Variants in DCST1 observed in about 807,000 individuals in gnomAD.
DCST1 encodes the protein E3 ubiquitin-protein ligase DCST1.
A neutral mutation model predicts 89.1 loss-of-function variants in DCST1; 78 were observed. The ratio of observed to expected loss-of-function variants is 0.88; its 90% CI spans 0.73 to 1.06. The LOEUF (loss-of-function observed/expected upper bound fraction) is 1.06, where lower values mean the gene tolerates loss of function less well. DCST1 is among the 50% of genes least tolerant of loss of function. The pLI is 0.00. For synonymous variants in DCST1, 364 were observed against 371.9 expected (o/e 0.98, Z 0.24); for missense variants, 900 against 928.6 (o/e 0.97, Z 0.40).
At chr1:155,043,594 T>C (rs1660507697) in intron 10 of DCST1, 85 bp downstream of exon 10, 4 of 1,423,994 alleles carry the variant, frequency 2.8e-6, no homozygotes, top group Non-Finnish European at 3.7e-6. Context: ...GATGGAACCC[T>C]AGCACCTATC....
chr1:155,034,694 G>A lies in DCST1; in HGVS notation c.229G>A (p.Glu77Lys). ...GGTGAACCCCATGAACATCTACGAA[G>A]AACAGAAGATTATGTTCTTGTACAG... ...LLVNPMNIYE[E>K]QKIMFLYSLV... is the part of the protein sequence containing the mutation. Residue 77 changes from glutamate to lysine, a missense_variant, in exon 4 of 17, where the codon GAA becomes AAA. Glu to Lys is a moderately conservative substitution (Grantham distance 56). Coordinates refer to ENST00000295542, the MANE Select transcript of DCST1 (RefSeq NM_152494.4). 7 of 1,614,196 alleles carry A rather than the reference G, an allele frequency of 4.3e-6. No individual in the cohort carries two copies. In the South Asian group the frequency reaches 6.6e-5, roughly 15 times the overall value.
chr1:155,033,857 A>G lies in DCST1; in HGVS notation c.-66+3A>G. On this transcript the variant is annotated splice_donor_region_variant and intron_variant, in intron 1 of 16. Transcript: ENST00000295542. ...TCCGAGGACTGGAGAGGGGATAGGT[A>G]GGTCTCTAATCTCCTTCCCCACTTC... The G allele has an allele frequency of 7.7e-7, 1 of 1,297,718 alleles. No individual in the cohort carries two copies. The highest frequency in any genetic ancestry group is 2.4e-5 in the Admixed American group (1 of 42,274). The allele number at this position is 1,297,718 out of a possible 1,614,324, so 80.4% of individuals were successfully genotyped here.
At position 155,043,410 on chromosome 1, in the gene DCST1, A is replaced by C; in HGVS notation, c.1073A>C (p.Glu358Ala). Residue 358 changes from glutamate (E) to alanine (A), a missense_variant, in exon 10 of 17, where the codon GAG becomes GCG. Physicochemically the swap from Glu to Ala is moderately radical, Grantham distance 107. Coordinates refer to ENST00000295542, the MANE Select transcript of DCST1 (RefSeq NM_152494.4). The stretch of plus-strand genomic sequence containing the variant: ...ACAAGCTGGGAGCGCGTGAGCACCG[A>C]GGTGCGGGACTACGTGTACCGCCAG... Reference protein sequence around the residue: ...LNTSWERVSTEVRDYVYRQEA... With the variant: ...LNTSWERVSTAVRDYVYRQEA... The C allele has an allele frequency of 6.2e-7, 1 of 1,613,944 alleles. No homozygotes were observed. Among genetic ancestry groups the C allele is most frequent in the Non-Finnish European group, 8.5e-7 (1 of 1,179,938 alleles).
At chr1:155,045,845 G>A (rs1425434606) in intron 10 of DCST1, 48 bp from the exon 11 acceptor site, 3 of 1,530,478 alleles carry the variant, frequency 2.0e-6, no homozygotes, top group Admixed American at 3.3e-5. Context: ...GGGGATAGAT[G>A]AGGAGAACCT....
At chr1:155,035,225 C>T in intron 4 of DCST1, 1 of 166,126 alleles carries the variant, frequency 6.0e-6, no homozygotes, top group Non-Finnish European at 1.3e-5. Context: ...TGCAGTGGCT[C>T]AATCTCAGCT....
Position 155,041,686 on chromosome 1 carries a change from C to T in DCST1, c.749-28C>T, listed in dbSNP as rs769775066. 2.5e-5 allele frequency: 40 copies of T among 1,614,016 alleles called. 1 individual carries two copies. In the South Asian group the frequency reaches 4.4e-4, roughly 18 times the overall value. On this transcript the variant is annotated intron_variant, in intron 7 of 16. Transcript: ENST00000295542. Reference sequence around the variant, plus strand: ...AGCATTGTGGATCAAGATGTGGGAACCTCAGACACCCTTGCTCCTTCCTAC... The same window carrying T: ...AGCATTGTGGATCAAGATGTGGGAATCTCAGACACCCTTGCTCCTTCCTAC...
At chr1:155,043,145 A>AT (rs1380423337) in intron 9 of DCST1, among the ~76,000 whole-genome samples, 1 of 152,106 alleles carries the variant, frequency 6.6e-6, no homozygotes, top group African/African-American at 2.4e-5. Flanking sequence ...TATCAGCCAG[A>AT]TATGAGATGA....
At position 155,046,202 on chromosome 1, in the gene DCST1, C is replaced by T; in HGVS notation, c.1350C>T (p.Ala450=). 6.2e-7 allele frequency: 1 copy of T among 1,614,226 alleles called. No homozygotes were observed. Among genetic ancestry groups the T allele is most frequent in the Non-Finnish European group, 8.5e-7 (1 of 1,180,042 alleles). Residue 450 remains alanine (A), a synonymous_variant, in exon 12 of 17, where the codon GCC becomes GCT. Coordinates refer to ENST00000295542, the MANE Select transcript of DCST1 (RefSeq NM_152494.4). ...TCCCTTGCAAGCCCACCATCCAGGC[C>T]TCAGAAATGAGCAATGTGGTGAGGA... ...VIFPCKPTIQ[A]SEMSNVVREL...
intron 8 of DCST1, among the ~76,000 whole-genome samples, chr1:155,042,510 A>T (rs1660466691): frequency 6.6e-6 from 1 of 152,168 alleles, no homozygotes; most frequent in African/African-American, 2.4e-5. Flanking sequence ...GATGTTTGTT[A>T]TGGTTGAGGA....
intron 10 of DCST1, chr1:155,045,481 G>A: frequency 4.6e-6 from 1 of 215,762 alleles, no homozygotes; most frequent in East Asian, 1.3e-4. Context: ...AGGAATTTGT[G>A]AGTCACAGTG....
chr1:155,036,047 C>CAAAAAA (rs11445380), intron 4 of DCST1, among the ~76,000 whole-genome samples: 1 of 71,236 alleles, frequency 1.4e-5, no homozygotes, highest in African/African-American at 5.3e-5. Context: ...AACTCTGTCT[C>CAAAAAA]AAAAAAAAAA....
chr1:155,043,812 C>T (rs1402903701), intron 10 of DCST1, among the ~76,000 whole-genome samples: 1 of 151,756 alleles, frequency 6.6e-6, no homozygotes, highest in Non-Finnish European at 1.5e-5. Context: ...TTTTCTTGCC[C>T]TTCATATTCC....
chr1:155,042,704 G>A (rs768956415), intron 8 of DCST1, 31 bp from the exon 9 acceptor site: 1 of 1,613,646 alleles, frequency 6.2e-7, no homozygotes, highest in Non-Finnish European at 8.5e-7. Context: ...CAGGCCCGGG[G>A]AGGCCCCTGA....
At position 155,039,268 on chromosome 1, in the gene DCST1, G is replaced by A. The variant is rs1017617570; in HGVS notation, c.263-135G>A. 4 of 1,077,200 alleles carry A rather than the reference G, an allele frequency of 3.7e-6. No individual in the cohort carries two copies. In the Admixed American group the frequency reaches 8.5e-5, roughly 23 times the overall value. 66.7% of individuals were successfully genotyped at this position (1,077,200 alleles called of 1,614,324 possible). On this transcript the variant is annotated intron_variant, in intron 4 of 16. Coordinates refer to ENST00000295542, the MANE Select transcript of DCST1 (RefSeq NM_152494.4). The stretch of plus-strand genomic sequence containing the variant: ...TGAGTGGCCCAGCAGGTCTATCAGA[G>A]TCAGTGTAAATGGGGATAAGGGCAG...
At chr1:155,038,344 A>T (rs1660335144) in intron 4 of DCST1, among the ~76,000 whole-genome samples, 1 of 152,264 alleles carries the variant, frequency 6.6e-6, no homozygotes, top group African/African-American at 2.4e-5. Context: ...AATGTGGTAG[A>T]AAGCCACCGA....
intron 3 of DCST1, 26 bp from the exon 4 acceptor site, chr1:155,034,627 C>A (rs759229908): frequency 1.6e-5 from 26 of 1,614,008 alleles, no homozygotes; most frequent in Non-Finnish European, 2.1e-5. Flanking sequence ...CATCTTTTGG[C>A]CTTTGGCTTG....
At chr1:155,039,338 G>A (rs1373624527) in intron 4 of DCST1, 65 bp from the exon 5 acceptor site, 3 of 1,458,424 alleles carry the variant, frequency 2.1e-6, no homozygotes, top group Non-Finnish European at 1.8e-6. Flanking sequence ...GGGTGCTCTG[G>A]TAAACGTGAG....
At chr1:155,041,209 TG>T (rs979756004) in intron 6 of DCST1, among the ~76,000 whole-genome samples, 187 bp from the exon 7 acceptor site, 1 of 151,458 alleles carries the variant, frequency 6.6e-6, no homozygotes, top group South Asian at 2.1e-4. Context: ...AGGCAGCTGG[TG>T]GGGGGGCTCC....
chr1:155,036,047 C>CAAAAA (rs11445380), intron 4 of DCST1, among the ~76,000 whole-genome samples: 2 of 71,234 alleles, frequency 2.8e-5, no homozygotes, highest in African/African-American at 1.1e-4. Context: ...AACTCTGTCT[C>CAAAAA]AAAAAAAAAA....
Sources: gnomAD v4.1 joint callset for allele counts (sites outside exome capture counted in the v4.1 genomes callset) on GRCh38, gnomAD v4.1.1 for gene constraint, MANE v1.5 for transcripts, NCBI Gene and HGNC (gene_info 2026-07-23, HGNC 2026-07-21) for gene names.